OPCML: variants seen among roughly 807,000 people sequenced by gnomAD.
OPCML encodes opioid binding protein/cell adhesion molecule like.
A neutral mutation model predicts 37.8 loss-of-function variants in OPCML; 13 were observed. That is an observed-to-expected ratio of 0.34 (90% CI 0.22 to 0.55). OPCML has a LOEUF of 0.55. Ranked by LOEUF, OPCML falls within the 20% of genes least tolerant of loss-of-function variation. OPCML has a pLI of 0.91. For missense variants in OPCML, 341 were observed against 435.6 expected (o/e 0.78, Z 1.93); for synonymous variants, 176 against 168.8 (o/e 1.04, Z -0.33).
intron 3 of OPCML, among the ~76,000 whole-genome samples, chr11:132,616,891 T>C (rs1223893477): frequency 6.6e-6 from 1 of 152,244 alleles, no homozygotes; most frequent in Admixed American, 6.5e-5. Flanking sequence ...GCACCTAAGA[T>C]GTGCAATGTG....
chr11:133,271,890 G>T (rs1167645349), intron 1 of OPCML, among the ~76,000 whole-genome samples: 1 of 152,132 alleles, frequency 6.6e-6, no homozygotes, highest in Non-Finnish European at 1.5e-5. Flanking sequence ...CAATCCAAGG[G>T]TTATAAAGAT....
chr11:133,420,874 T>C (rs1191678105), intron 1 of OPCML: 1 of 985,296 alleles, frequency 1.0e-6, no homozygotes, highest in Non-Finnish European at 1.2e-6. Flanking sequence ...AAGTTCCATT[T>C]ATATGAGCGT....
chr11:133,459,935 C>T lies in OPCML; in HGVS notation c.61+72329G>A, dbSNP rs570574517. 3.3e-5 allele frequency among the ~76,000 whole-genome samples: 5 copies of T among 152,122 alleles called. No homozygotes were observed. In the South Asian group the frequency reaches 1.0e-3, roughly 31 times the overall value. On this transcript the variant is annotated intron_variant, in intron 1 of 7. Transcript: ENST00000524381. ...CAGAATATACATTTTCTCCAGTGCA[C>T]TTGGTGCACTCTTCATGATAACTCA...
intron 1 of OPCML, among the ~76,000 whole-genome samples, chr11:133,280,308 G>A (rs898409824): frequency 2.0e-5 from 3 of 152,186 alleles, no homozygotes; most frequent in Admixed American, 6.5e-5. Flanking sequence ...TTGTGGCAGT[G>A]TGAGAATACA....
chr11:133,129,536 A>G (rs1385723290), intron 1 of OPCML, among the ~76,000 whole-genome samples: 1 of 152,180 alleles, frequency 6.6e-6, no homozygotes, highest in Non-Finnish European at 1.5e-5. Flanking sequence ...CTTATAGAAA[A>G]ATAGAAATAT....
intron 3 of OPCML, among the ~76,000 whole-genome samples, chr11:132,606,737 C>A (rs995107545): frequency 6.6e-6 from 1 of 151,804 alleles, no homozygotes; most frequent in Admixed American, 6.6e-5. Context: ...TAGGAGATGG[C>A]GAAAAAGAAG....
At chr11:132,732,519 G>A (rs1371186963) in intron 2 of OPCML, among the ~76,000 whole-genome samples, 4 of 152,190 alleles carry the variant, frequency 2.6e-5, no homozygotes, top group Non-Finnish European at 2.9e-5. Flanking sequence ...CACTGGAGAT[G>A]TGGCTATAAC....
rs1404680522 is a variant in OPCML at position 133,182,064 on chromosome 11, C to T, written c.62-239054G>A. Among the ~76,000 whole-genome samples, 5 of 152,180 alleles carry T rather than the reference C, an allele frequency of 3.3e-5. No individual in the cohort carries two copies. In the South Asian group the frequency reaches 1.0e-3, roughly 32 times the overall value. On this transcript the variant is annotated intron_variant, in intron 1 of 7. Coordinates refer to ENST00000524381, the MANE Select transcript of OPCML (RefSeq NM_001012393.5). Reference sequence around the variant, plus strand: ...TGTTGTTCTTCTGGAAGAATTCTCCCTTTAGGTGATTAACACCTTCAGATT... The same window carrying T: ...TGTTGTTCTTCTGGAAGAATTCTCCTTTTAGGTGATTAACACCTTCAGATT...
intron 4 of OPCML, among the ~76,000 whole-genome samples, chr11:132,438,352 C>G (rs1054913376): frequency 6.6e-6 from 1 of 152,240 alleles, no homozygotes; most frequent in Non-Finnish European, 1.5e-5. Context: ...TATAGGCCTG[C>G]AGTCCTGAGG....
chr11:132,571,457 A>G (rs538391954), intron 3 of OPCML, among the ~76,000 whole-genome samples: 2 of 152,176 alleles, frequency 1.3e-5, no homozygotes, highest in Admixed American at 1.3e-4. Flanking sequence ...TCCAGTAACC[A>G]CCATTGCAGT....
At chr11:132,900,845 A>T (rs1199212388) in intron 2 of OPCML, among the ~76,000 whole-genome samples, 1 of 152,164 alleles carries the variant, frequency 6.6e-6, no homozygotes, top group African/African-American at 2.4e-5. Context: ...GTGGCTCTCC[A>T]TTCAATCCAC....
At chr11:133,317,265 G>T (rs955176154) in intron 1 of OPCML, among the ~76,000 whole-genome samples, 1 of 152,022 alleles carries the variant, frequency 6.6e-6, no homozygotes, top group Non-Finnish European at 1.5e-5. Flanking sequence ...ATTATTCTAC[G>T]ATCCTCTAAG....
rs143626339 is a variant in OPCML at position 133,294,109 on chromosome 11, CCGCCTCCCTGAAAA to C, written c.61+238141_61+238154del. ...TTCTGGGATGTGGTGGAAAGAAGCA[CCGCCTCCCTGAAAA>C]AGTCATCACTGTGGGTCCATGTGGT... On this transcript the variant is annotated intron_variant, in intron 1 of 7. Transcript: ENST00000524381. Among the ~76,000 whole-genome samples, 24 of 152,014 alleles carry C rather than the reference CCGCCTCCCTGAAAA, an allele frequency of 1.6e-4. No homozygotes were observed. The East Asian group carries it at 4.7e-3, about 29-fold the overall frequency.
In OPCML at chr11:132,870,429, C is replaced by A. The variant is rs146213961; in HGVS notation, c.146+72497G>T. On this transcript the variant is annotated intron_variant, in intron 2 of 7. Transcript: ENST00000524381. ...TGGTGGGGATGTCAATTAGTACGGC[C>A]ATTATGGAAAACAGGATGACAGTTC... 3.7e-3 allele frequency among the ~76,000 whole-genome samples: 561 copies of A among 152,024 alleles called. 5 individuals carry two copies. Among genetic ancestry groups the A allele is most frequent in the African/African-American group, 0.013 (536 of 41,434 alleles).
At chr11:133,288,961 G>A (rs943197262) in intron 1 of OPCML, among the ~76,000 whole-genome samples, 2 of 152,086 alleles carry the variant, frequency 1.3e-5, no homozygotes, top group African/African-American at 4.8e-5. Flanking sequence ...ACAGTGCTGG[G>A]CCCAACCCAT....
At chr11:133,496,535 G>A (rs1947791801) in intron 1 of OPCML, among the ~76,000 whole-genome samples, 1 of 152,168 alleles carries the variant, frequency 6.6e-6, no homozygotes, top group African/African-American at 2.4e-5. Context: ...CCATGAGCGT[G>A]GGATGTGTTT....
intron 1 of OPCML, among the ~76,000 whole-genome samples, chr11:133,344,394 G>A (rs959953467): frequency 1.3e-5 from 2 of 152,116 alleles, no homozygotes; most frequent in African/African-American, 4.8e-5. Flanking sequence ...GCTACCTAAT[G>A]TTCAGAATTA....
chr11:133,270,483 G>T (rs977481050), intron 1 of OPCML, among the ~76,000 whole-genome samples: 1 of 152,010 alleles, frequency 6.6e-6, no homozygotes, highest in Non-Finnish European at 1.5e-5. Flanking sequence ...GACATATAAG[G>T]GATTGTTTTA....
intron 1 of OPCML, among the ~76,000 whole-genome samples, chr11:133,103,963 G>A (rs772580167): frequency 6.6e-6 from 1 of 152,182 alleles, no homozygotes; most frequent in Non-Finnish European, 1.5e-5. Flanking sequence ...CTTTCACAGT[G>A]CAAGTTTTTT....
Sources: gnomAD v4.1 joint callset for allele counts (sites outside exome capture counted in the v4.1 genomes callset) on GRCh38, gnomAD v4.1.1 for gene constraint, MANE v1.5 for transcripts, NCBI Gene and HGNC (gene_info 2026-07-23, HGNC 2026-07-21) for gene names.